The following CNOT3 variants were observed in gnomAD, a reference collection of about 807,000 sequenced individuals.
The protein encoded by CNOT3 is CCR4-NOT transcription complex subunit 3, also known as CCR4-associated factor 3.
Under a neutral mutation model 89.4 loss-of-function variants are expected in CNOT3, and 2 were observed. The observed-to-expected ratio is 0.02, with a 90% CI of 0.01 to 0.07. The LOEUF (loss-of-function observed/expected upper bound fraction) is 0.07. Among genes scored for constraint, CNOT3 ranks in the 10% least tolerant of loss-of-function variants. CNOT3 has a pLI of 1.00. For synonymous variants in CNOT3, 486 were observed against 402.0 expected (o/e 1.21, Z -2.50); for missense variants, 664 against 1,010.2 (o/e 0.66, Z 4.65).
rs138664639 is a variant in CNOT3, at chr19:54,143,150, C to T, written c.57C>T (p.Ser19=). The part of the protein sequence containing the change: ...GEIDRCLKKV[S]EGVEQFEDIW... ...TTGATCGCTGCCTCAAGAAGGTGTC[C>T]GAGGGCGTGGAGCAGTTTGAAGATA... Residue 19 remains serine, a synonymous_variant, in exon 3 of 18, where the codon TCC becomes TCT. Coordinates refer to ENST00000221232, the MANE Select transcript of CNOT3 (RefSeq NM_014516.4). 6.2e-5 allele frequency: 100 copies of T among 1,613,792 alleles called. No individual in the cohort carries two copies. The highest frequency in any genetic ancestry group is 1.6e-4 in the Middle Eastern group (1 of 6,084).
At position 54,144,673 on chromosome 19, in the gene CNOT3, C is replaced by T. The variant is rs1213843395; in HGVS notation, c.483+341C>T. On this transcript the variant is annotated intron_variant, in intron 7 of 17. Coordinates refer to ENST00000221232, the MANE Select transcript of CNOT3 (RefSeq NM_014516.4). This position sits in a 1 kb window ranked among gnomAD's most constrained non-coding sequence, Gnocchi z 4.8. ...CTGAAGGACACCCATGGCAAGAGGC[C>T]TCCTGGCACCCAGAGGGCCCTGGTC... 6.6e-6 allele frequency among the ~76,000 whole-genome samples: 1 copy of T among 152,262 alleles called. No homozygotes were observed. Among genetic ancestry groups the T allele is most frequent in the East Asian group, 1.9e-4 (1 of 5,170 alleles).
At chr19:54,143,045 C>T in intron 2 of CNOT3, 42 bp downstream of exon 2, 5 of 1,613,618 alleles carry the variant, frequency 3.1e-6, no homozygotes, top group Non-Finnish European at 4.2e-6. Flanking sequence ...CCACATGCTC[C>T]CTCTTCTGAG....
Position 54,148,454 on chromosome 19 carries a change from GGCGGCA to G in CNOT3, c.1206_1211del (p.Ser403_Gly404del). The G allele has an allele frequency of 1.3e-6, 2 of 1,565,834 alleles. No individual in the cohort carries two copies. The highest frequency in any genetic ancestry group is 8.7e-7 in the Non-Finnish European group (1 of 1,153,614). ...CGTCCAGCCTAGCGGAGGCGGAGGCGGCGGCAGCGGAGGCGGAGGGAGCAGCAGCAG... is the reference window on the plus strand; with the variant it reads ...CGTCCAGCCTAGCGGAGGCGGAGGCGGCGGAGGCGGAGGGAGCAGCAGCAG... On this transcript the variant is annotated inframe_deletion, in exon 11 of 18. Coordinates refer to ENST00000221232, the MANE Select transcript of CNOT3 (RefSeq NM_014516.4). The surrounding 1 kb of genome is among the most constrained non-coding windows in gnomAD (Gnocchi z 6.3).
chr19:54,151,520 A>G (rs192587092), intron 13 of CNOT3, among the ~76,000 whole-genome samples: 55 of 152,336 alleles, frequency 3.6e-4, no homozygotes, highest in Non-Finnish European at 6.2e-4. Flanking sequence ...CCTGGGCGAT[A>G]TAGCGAGACA....
intron 1 of CNOT3, among the ~76,000 whole-genome samples, chr19:54,141,102 C>G (rs2074432039): frequency 1.3e-5 from 2 of 152,128 alleles, no homozygotes; most frequent in South Asian, 4.1e-4. Context: ...TGGTGAGGAT[C>G]CCTGCACACC....
chr19:54,143,822 C>T (rs1255691962), intron 5 of CNOT3, 73 bp downstream of exon 5: 2 of 1,520,644 alleles, frequency 1.3e-6, no homozygotes, highest in South Asian at 1.1e-5. Flanking sequence ...GGGGCGGAGG[C>T]AGAGCGGCCA....
In CNOT3 at chr19:54,143,427, C is replaced by G. The variant is rs745635356; in HGVS notation, c.94-15C>G. On this transcript the variant is annotated splice_polypyrimidine_tract_variant and intron_variant, in intron 3 of 17. Transcript: ENST00000221232. ...CCCCTCCCACACTGACTTCTCAATTCTCTCCATCCCTCAGCTCCACAATGC... is the reference window on the plus strand; with the variant it reads ...CCCCTCCCACACTGACTTCTCAATTGTCTCCATCCCTCAGCTCCACAATGC... 6.2e-7 allele frequency: 1 copy of G among 1,613,550 alleles called. No homozygotes were observed. The highest frequency in any genetic ancestry group is 1.1e-5 in the South Asian group (1 of 91,068).
At position 54,155,448 on chromosome 19, in the gene CNOT3, T is replaced by C. The variant is rs200933654; in HGVS notation, c.*41T>C. Reference sequence around the variant, plus strand: ...CTACCCACCCCCTTCCCCCGCATGCTGATCCCCCTGCCCAGGTGAGGGCCC... The same window carrying C: ...CTACCCACCCCCTTCCCCCGCATGCCGATCCCCCTGCCCAGGTGAGGGCCC... On this transcript the variant is annotated 3_prime_UTR_variant, in exon 18 of 18. Transcript: ENST00000221232. 1.0e-4 allele frequency: 120 copies of C among 1,199,808 alleles called. No homozygotes were observed. Among genetic ancestry groups the C allele is most frequent in the Non-Finnish European group, 6.0e-6 (5 of 835,606 alleles). The allele number at this position is 1,199,808 out of a possible 1,614,324, so 74.3% of individuals were successfully genotyped here.
intron 13 of CNOT3, among the ~76,000 whole-genome samples, chr19:54,150,569 T>TGCCCAGGCCGTCCAGGAGGCAGTGTGCGC (rs2075022355): frequency 7.3e-6 from 1 of 137,500 alleles, no homozygotes; most frequent in Non-Finnish European, 1.6e-5. Flanking sequence ...CCAGTGTGTA[T>TGCCCAGGCCGTCCAGGAGGCAGTGTGCGC]GCCCAGGCTG....
At position 54,148,509 on chromosome 19, in the gene CNOT3, G is replaced by A. The variant is rs1250904977; in HGVS notation, c.1256G>A (p.Gly419Glu). Residue 419 changes from glycine (G) to glutamate (E), a missense_variant, in exon 11 of 18, where the codon GGG becomes GAG. Transcript: ENST00000221232. The surrounding 1 kb of genome is among the most constrained non-coding windows in gnomAD (Gnocchi z 6.3). ...SSSSNSSAGG[G>E]AGKQNGATSY... ...AGTAGTAACAGCAGTGCCGGTGGAG[G>A]GGCTGGCAAGCAGAATGGCGCCACC... is the stretch of plus-strand genomic sequence containing the variant. 3 of 1,559,148 alleles carry A rather than the reference G, an allele frequency of 1.9e-6. No individual in the cohort carries two copies. Among genetic ancestry groups the A allele is most frequent in the African/African-American group, 1.3e-5 (1 of 74,100 alleles).
chr19:54,154,793 A>G (rs1430209465), intron 17 of CNOT3: 1 of 153,784 alleles, frequency 6.5e-6, no homozygotes, highest in Non-Finnish European at 1.4e-5. Context: ...GCCCAAAACC[A>G]TCCTCCAAGT....
At chr19:54,143,264 T>C in intron 3 of CNOT3, 78 bp downstream of exon 3, 1 of 1,326,354 alleles carries the variant, frequency 7.5e-7, no homozygotes, top group Non-Finnish European at 1.1e-6. Flanking sequence ...CTCTGGGTGT[T>C]GACCAGCGGG....
intron 17 of CNOT3, chr19:54,154,349 T>C (rs1188601936): frequency 1.1e-5 from 3 of 268,258 alleles, no homozygotes; most frequent in African/African-American, 6.6e-5. Flanking sequence ...CCAACCTACC[T>C]GGGTTTCAGC....
Position 54,155,457 on chromosome 19 carries a change from T to G in CNOT3, c.*50T>G. 2.0e-6 allele frequency: 2 copies of G among 1,003,852 alleles called. No individual in the cohort carries two copies. Among genetic ancestry groups the G allele is most frequent in the East Asian group, 4.1e-5 (1 of 24,514 alleles). 62.2% of individuals were successfully genotyped at this position (1,003,852 alleles called of 1,614,324 possible). A position where few individuals can be genotyped will look rare whatever the true frequency, so the allele number is the denominator to read the frequency against. ...CCCTTCCCCCGCATGCTGATCCCCC[T>G]GCCCAGGTGAGGGCCCTGCCCTGGA... On this transcript the variant is annotated 3_prime_UTR_variant, in exon 18 of 18. Transcript: ENST00000221232.
At chr19:54,146,995 A>G (rs923483418) in intron 10 of CNOT3, among the ~76,000 whole-genome samples, 2 of 151,932 alleles carry the variant, frequency 1.3e-5, no homozygotes, top group Non-Finnish European at 2.9e-5. Flanking sequence ...AAGTGAGGAG[A>G]GATGAGTCTG....
chr19:54,152,159 C>G (rs1422376854), intron 13 of CNOT3, 67 bp from the exon 14 acceptor site: 40 of 1,555,820 alleles, frequency 2.6e-5, no homozygotes, highest in Non-Finnish European at 3.5e-5. Context: ...GCATCTGGGG[C>G]CTGTGTCAGG....
chr19:54,149,087 G>T (rs761684689), intron 12 of CNOT3, among the ~76,000 whole-genome samples: 7 of 152,172 alleles, frequency 4.6e-5, no homozygotes, highest in Non-Finnish European at 7.3e-5. Flanking sequence ...AAAGTGAATT[G>T]TCCCGAAGTC....
At chr19:54,153,123 C>T (rs747615858) in intron 16 of CNOT3, 124 bp downstream of exon 16, 2 of 796,502 alleles carry the variant, frequency 2.5e-6, no homozygotes, top group Middle Eastern at 4.5e-4. Context: ...CACCCCCTCC[C>T]TATTCCCACT....
At chr19:54,151,186 A>G (rs1568674406) in intron 13 of CNOT3, among the ~76,000 whole-genome samples, 2 of 152,190 alleles carry the variant, frequency 1.3e-5, no homozygotes, top group Non-Finnish European at 1.5e-5. Flanking sequence ...AGGGGTCCAT[A>G]TCTTTTAACA....
Sources: gnomAD v4.1 joint callset for allele counts (sites outside exome capture counted in the v4.1 genomes callset) on GRCh38, gnomAD v4.1.1 for gene constraint, Gnocchi (gnomAD v3.1) non-coding constraint, MANE v1.5 for transcripts, NCBI Gene and HGNC (gene_info 2026-07-23, HGNC 2026-07-21) for gene names.